The following SGMS1 variants were observed in gnomAD, a reference collection of about 807,000 sequenced individuals.
SGMS1 encodes the protein sphingomyelin synthase 1.
SGMS1 carries 13 observed loss-of-function variants against 46.2 expected under a neutral mutation model. That is an observed-to-expected ratio of 0.28 (90% CI 0.18 to 0.45). The LOEUF (loss-of-function observed/expected upper bound fraction) is 0.45. Among genes scored for constraint, SGMS1 ranks in the 20% least tolerant of loss-of-function variants. The pLI is 1.00. For missense variants in SGMS1, 324 were observed against 519.9 expected (o/e 0.62, Z 3.66); for synonymous variants, 203 against 187.8 (o/e 1.08, Z -0.66).
intron 1 of SGMS1, among the ~76,000 whole-genome samples, chr10:50,595,389 G>T (rs1838581882): frequency 6.6e-6 from 1 of 152,056 alleles, no homozygotes; most frequent in Non-Finnish European, 1.5e-5. Flanking sequence ...TATTAGTCAG[G>T]CTGGTCTCAA....
chr10:50,624,465 C>G (rs578248352), upstream of SGMS1: 1 of 507,738 alleles, frequency 2.0e-6, no homozygotes, highest in South Asian at 8.4e-5. Flanking sequence ...AAACCTCTAA[C>G]CATAGACTCT....
At chr10:50,529,838 A>C (rs1244807004) in intron 2 of SGMS1, among the ~76,000 whole-genome samples, 1 of 152,198 alleles carries the variant, frequency 6.6e-6, no homozygotes, top group Admixed American at 6.5e-5. Context: ...CGTACCATAC[A>C]ATTGGTGCTT....
intron 6 of SGMS1, among the ~76,000 whole-genome samples, chr10:50,370,810 T>C (rs1281906889): frequency 1.3e-5 from 2 of 151,758 alleles, no homozygotes; most frequent in Non-Finnish European, 2.9e-5. Flanking sequence ...ATCATCAATA[T>C]TACTGTTTTC....
intron 3 of SGMS1, among the ~76,000 whole-genome samples, chr10:50,476,209 G>A (rs1301650740): frequency 4.0e-5 from 6 of 149,672 alleles, no homozygotes; most frequent in Non-Finnish European, 8.9e-5. Flanking sequence ...AGGAGGCATA[G>A]GTCGCAGTGA....
chr10:50,428,762 G>C (rs1849362369), intron 6 of SGMS1, among the ~76,000 whole-genome samples: 1 of 152,184 alleles, frequency 6.6e-6, no homozygotes, highest in South Asian at 2.1e-4. Context: ...GCAAAATGCA[G>C]ATAATCCCAG....
chr10:50,360,446 T>C (rs919321676), intron 6 of SGMS1, among the ~76,000 whole-genome samples: 3 of 152,224 alleles, frequency 2.0e-5, no homozygotes, highest in Non-Finnish European at 4.4e-5. Flanking sequence ...TAAAAACTAA[T>C]ATAATAGCTC....
At chr10:50,348,763 T>A (rs938937187) in intron 6 of SGMS1, among the ~76,000 whole-genome samples, 21 of 152,208 alleles carry the variant, frequency 1.4e-4, no homozygotes, top group Non-Finnish European at 4.4e-5. Context: ...ATAGCTTCAA[T>A]GCTATTCCCA....
intron 6 of SGMS1, among the ~76,000 whole-genome samples, chr10:50,423,403 C>T (rs1588811546): frequency 1.3e-5 from 2 of 152,208 alleles, no homozygotes; most frequent in East Asian, 3.8e-4. Flanking sequence ...TGTACCCATA[C>T]AGACTGGCTG....
At chr10:50,477,845 T>C (rs1837441426) in intron 3 of SGMS1, among the ~76,000 whole-genome samples, 1 of 152,144 alleles carries the variant, frequency 6.6e-6, no homozygotes, top group Admixed American at 6.5e-5. Flanking sequence ...GATTGTAAGT[T>C]TCCTAAGGCC....
At chr10:50,475,187 G>A (rs1489638072) in intron 3 of SGMS1, among the ~76,000 whole-genome samples, 1 of 152,132 alleles carries the variant, frequency 6.6e-6, no homozygotes, top group Admixed American at 6.5e-5. Flanking sequence ...ATGTTGTCCG[G>A]TAGAGATATG....
intron 3 of SGMS1, among the ~76,000 whole-genome samples, 192 bp from the exon 4 acceptor site, chr10:50,467,124 ACGC>A (rs1837337467): frequency 6.6e-6 from 1 of 152,062 alleles, no homozygotes; most frequent in Non-Finnish European, 1.5e-5. Flanking sequence ...CTATTAGACA[ACGC>A]CAAGCAGAAA....
At chr10:50,408,443 A>AC (rs1476452004) in intron 6 of SGMS1, among the ~76,000 whole-genome samples, 338 of 148,644 alleles carry the variant, frequency 2.3e-3, no homozygotes, top group Non-Finnish European at 3.7e-3. Flanking sequence ...AAAAAAAAAA[A>AC]AAAAAAAAAA....
At chr10:50,624,034 G>GCGGCCGGGGGGGCGGGC (rs924244987), upstream of SGMS1, 5 of 985,388 alleles carry the variant, frequency 5.1e-6, no homozygotes, top group African/African-American at 8.7e-5. Context: ...GGTGTTCACT[G>GCGGCCGGGGGGGCGGGC]CGGCCGGGGG....
At chr10:50,587,669 G>GTGTA (rs1838499769) in intron 2 of SGMS1, among the ~76,000 whole-genome samples, 1 of 151,654 alleles carries the variant, frequency 6.6e-6, no homozygotes, top group Non-Finnish European at 1.5e-5. Flanking sequence ...GTGTGTGTGT[G>GTGTA]TGTGTGTGTG....
upstream of SGMS1, chr10:50,624,942 C>G (rs952922642): frequency 2.0e-6 from 2 of 1,018,212 alleles, no homozygotes; most frequent in African/African-American, 1.7e-5. Flanking sequence ...CGCGGCGCTC[C>G]GGGCAGCCAT....
chr10:50,538,881 T>C (rs1440788483), intron 2 of SGMS1, among the ~76,000 whole-genome samples: 1 of 152,204 alleles, frequency 6.6e-6, no homozygotes, highest in Non-Finnish European at 1.5e-5. Flanking sequence ...CAGAATCCAG[T>C]CCAGGGTTAA....
intron 2 of SGMS1, among the ~76,000 whole-genome samples, chr10:50,543,498 T>C (rs894731922): frequency 5.9e-5 from 9 of 152,222 alleles, no homozygotes; most frequent in Non-Finnish European, 1.3e-4. Flanking sequence ...AAAAAAATCA[T>C]ACTGATTGTC....
chr10:50,479,884 A>T (rs770998950), intron 3 of SGMS1, among the ~76,000 whole-genome samples: 2 of 152,190 alleles, frequency 1.3e-5, no homozygotes, highest in African/African-American at 2.4e-5. Context: ...CTACAACTGA[A>T]GTACATCTTA....
intron 6 of SGMS1, among the ~76,000 whole-genome samples, chr10:50,404,470 A>T (rs1213074725): frequency 1.3e-5 from 2 of 152,130 alleles, no homozygotes; most frequent in African/African-American, 4.8e-5. Flanking sequence ...CTAGGTGGGC[A>T]TCGTGGTGCA....
Sources: gnomAD v4.1 joint callset for allele counts (sites outside exome capture counted in the v4.1 genomes callset) on GRCh38, gnomAD v4.1.1 for gene constraint, MANE v1.5 for transcripts, NCBI Gene and HGNC (gene_info 2026-07-23, HGNC 2026-07-21) for gene names.